Variants in MARCHF2 observed in about 807,000 individuals in gnomAD.
The protein encoded by MARCHF2 is E3 ubiquitin-protein ligase MARCHF2.
In MARCHF2, 22 loss-of-function variants were observed where a neutral mutation model predicts 24.0. That is an observed-to-expected ratio of 0.92 (90% CI 0.66 to 1.31). The LOEUF (loss-of-function observed/expected upper bound fraction) is 1.31. MARCHF2 is among the 50% of genes most tolerant of loss of function. The pLI is 0.00. For synonymous variants in MARCHF2, 154 were observed against 153.0 expected (o/e 1.01, Z -0.05); for missense variants, 301 against 335.3 (o/e 0.90, Z 0.80).
At chr19:8,425,856 C>A (rs1967384274) in intron 2 of MARCHF2, among the ~76,000 whole-genome samples, 1 of 150,370 alleles carries the variant, frequency 6.7e-6, no homozygotes. Context: ...ACCTCATGAT[C>A]CTCCTGCCTT....
intron 1 of MARCHF2, among the ~76,000 whole-genome samples, chr19:8,417,730 G>A (rs1967119829): frequency 7.5e-6 from 1 of 133,312 alleles, no homozygotes; most frequent in Non-Finnish European, 1.6e-5. Flanking sequence ...GAGCCACTAC[G>A]CCCGGCCAAT....
intron 4 of MARCHF2, among the ~76,000 whole-genome samples, chr19:8,431,169 C>T (rs1967572644): frequency 6.6e-6 from 1 of 151,936 alleles, no homozygotes; most frequent in Non-Finnish European, 1.5e-5. Context: ...AGAGAGAGAT[C>T]GGGGGAGAAC....
intron 4 of MARCHF2, among the ~76,000 whole-genome samples, chr19:8,435,827 C>CGTGTGTGTGT (rs1568242256): frequency 7.5e-5 from 7 of 93,282 alleles, no homozygotes; most frequent in Non-Finnish European, 1.6e-4. Context: ...CTGCACCTGG[C>CGTGTGTGTGT]CTGTGTGTGT....
chr19:8,423,103 A>T (rs1013068176), intron 2 of MARCHF2, among the ~76,000 whole-genome samples: 5 of 148,412 alleles, frequency 3.4e-5, no homozygotes, highest in African/African-American at 1.3e-4. Flanking sequence ...TTTGTCACCC[A>T]TGCTGGAGTG....
intron 4 of MARCHF2, among the ~76,000 whole-genome samples, chr19:8,434,374 G>A (rs1386291403): frequency 1.3e-5 from 2 of 151,626 alleles, no homozygotes; most frequent in African/African-American, 2.4e-5. Context: ...ATGAACCATC[G>A]CGCCCTGCCC....
intron 1 of MARCHF2, among the ~76,000 whole-genome samples, chr19:8,414,022 AT>A (rs1384102835): frequency 3.9e-5 from 6 of 152,182 alleles, no homozygotes; most frequent in Admixed American, 3.9e-4. Context: ...CACACAGCAC[AT>A]AAGGAGTAGA....
rs757015000 is a variant in MARCHF2, at chr19:8,426,778, G to C, written c.346G>C (p.Glu116Gln). Reference protein sequence around the residue: ...CELCHTEFAVEKRPRPLTEWL... With the variant: ...CELCHTEFAVQKRPRPLTEWL... ...GCTGTGCCACACGGAGTTTGCAGTG[G>C]AGAAACGGCCTCGACCCCTCACAGA... The change falls in exon 3 of 5, where the codon GAG becomes CAG. Residue 116 changes from glutamate (E) to glutamine (Q), a missense_variant. Coordinates refer to ENST00000215555, the MANE Select transcript of MARCHF2 (RefSeq NM_001005415.2). 6.2e-7 allele frequency: 1 copy of C among 1,612,328 alleles called. No individual in the cohort carries two copies. Among genetic ancestry groups the C allele is most frequent in the Non-Finnish European group, 8.5e-7 (1 of 1,180,004 alleles).
rs368189928 is a variant in MARCHF2 at position 8,430,642 on chromosome 19, A to C, written c.373-16A>C. 12 of 1,601,664 alleles carry C rather than the reference A, an allele frequency of 7.5e-6. No homozygotes were observed. Among genetic ancestry groups the C allele is most frequent in the Middle Eastern group, 4.2e-4 (2 of 4,818 alleles). On this transcript the variant is annotated splice_polypyrimidine_tract_variant and intron_variant, in intron 3 of 4. Transcript: ENST00000215555. The surrounding 1 kb of genome is among the most constrained non-coding windows in gnomAD (Gnocchi z 4.4). ...CTCTGCCCCCTCTCCTCTGCCCCCT[A>C]TCCTCTCCCCTGCAGTGGCTGAAGG...
Position 8,438,629 on chromosome 19 carries a change from C to G in MARCHF2, c.*83C>G. The G allele has an allele frequency of 1.4e-6, 2 of 1,412,302 alleles. No homozygotes were observed. Among genetic ancestry groups the G allele is most frequent in the Non-Finnish European group, 1.9e-6 (2 of 1,040,138 alleles). The allele number at this position is 1,412,302 out of a possible 1,614,324, so 87.5% of individuals were successfully genotyped here. A position where few individuals can be genotyped will look rare whatever the true frequency, so the allele number is the denominator to read the frequency against. On this transcript the variant is annotated 3_prime_UTR_variant, in exon 5 of 5. Coordinates refer to ENST00000215555, the MANE Select transcript of MARCHF2 (RefSeq NM_001005415.2). Reference sequence around the variant, plus strand: ...TCCTGTGGAAGGACTTCCACTTCAACACTTCCACTTCAACAGTTCCCGCAC... The same window carrying G: ...TCCTGTGGAAGGACTTCCACTTCAAGACTTCCACTTCAACAGTTCCCGCAC...
At position 8,438,964 on chromosome 19, in the gene MARCHF2, T is replaced by G. The variant is rs558365587; in HGVS notation, c.*418T>G. The G allele has an allele frequency of 6.8e-6, 1 of 146,948 alleles. No individual in the cohort carries two copies. Among genetic ancestry groups the G allele is most frequent in the Non-Finnish European group, 1.5e-5 (1 of 66,846 alleles). The allele number at this position is 146,948 out of a possible 1,614,324, so 9.1% of individuals were successfully genotyped here. On this transcript the variant is annotated 3_prime_UTR_variant, in exon 5 of 5. Coordinates refer to ENST00000215555, the MANE Select transcript of MARCHF2 (RefSeq NM_001005415.2). ...CCTCGACTTTATATAAAAGTTGCAC[T>G]GCGTTTCAAAAACCCACCCCTGAAT...
rs1285572078 is a variant in MARCHF2 at position 8,419,825 on chromosome 19, AT to A, written c.-52-1963del. 3.1e-4 allele frequency among the ~76,000 whole-genome samples: 44 copies of A among 141,112 alleles called. No individual in the cohort carries two copies. In the South Asian group the frequency reaches 3.4e-3, roughly 11 times the overall value. The allele number at this position is 141,112 out of a possible 152,430, so 92.6% of individuals were successfully genotyped here. ...AGCAAGACTCCGTCTCAAAAAAAAA[AT>A]AAATAAATAAATAAATAAAAATAAA... On this transcript the variant is annotated intron_variant, in intron 1 of 4. Transcript: ENST00000215555.
chr19:8,420,898 G>A (rs755063282), intron 1 of MARCHF2, among the ~76,000 whole-genome samples: 17 of 151,972 alleles, frequency 1.1e-4, no homozygotes, highest in Non-Finnish European at 1.8e-4. Flanking sequence ...GAGGCAATCG[G>A]AGGCAGGCGG....
Position 8,414,644 on chromosome 19 carries a change from A to T in MARCHF2, c.-53+1224A>T, listed in dbSNP as rs74176299. ...AGTAAAACAGCTGCCTGAGACCACA[A>T]TGTAGGGAGTTTTAGGGCCCTCTGA... is the stretch of plus-strand genomic sequence containing the variant. On this transcript the variant is annotated intron_variant, in intron 1 of 4. Coordinates refer to ENST00000215555, the MANE Select transcript of MARCHF2 (RefSeq NM_001005415.2). Among the ~76,000 whole-genome samples, 1,511 of 152,248 alleles carry T rather than the reference A, an allele frequency of 9.9e-3. 13 individuals carry two copies. Among genetic ancestry groups the T allele is most frequent in the South Asian group, 0.016 (78 of 4,828 alleles).
chr19:8,428,678 A>AAAAAAC lies in MARCHF2; in HGVS notation c.372+1875_372+1880dup. Among the ~76,000 whole-genome samples, 2 of 148,446 alleles carry AAAAAAC rather than the reference A, an allele frequency of 1.3e-5. 1 individual carries two copies. On this transcript the variant is annotated intron_variant, in intron 3 of 4. Transcript: ENST00000215555. Reference sequence around the variant, plus strand: ...AAAAAAAAAAAAAAAAAAAAAAAAAAAAAAACCAAGGCTGGACGTGGTGGC... The same window carrying AAAAAAC: ...AAAAAAAAAAAAAAAAAAAAAAAAAAAAAAACAAAAACCAAGGCTGGACGTGGTGGC...
chr19:8,415,732 AAAC>A (rs1157245403), intron 1 of MARCHF2, among the ~76,000 whole-genome samples: 1,014 of 81,072 alleles, frequency 0.013, 46 homozygotes, highest in African/African-American at 0.041. Flanking sequence ...AAAAAAAAAA[AAAC>A]AAAAAAAACA....
chr19:8,415,180 C>A (rs1967043825), intron 1 of MARCHF2, among the ~76,000 whole-genome samples: 1 of 151,960 alleles, frequency 6.6e-6, no homozygotes, highest in Non-Finnish European at 1.5e-5. Context: ...GGGCAGATCA[C>A]TAGGCCAGGA....
In MARCHF2 at chr19:8,415,736, AAAAAAAAC is replaced by A. The variant is rs1568233652; in HGVS notation, c.-53+2324_-53+2331del. On this transcript the variant is annotated intron_variant, in intron 1 of 4. Transcript: ENST00000215555. ...AACTCCATCTCAAAAAAAAAAAAACAAAAAAAACAAAAAAAAAAACCAGACAAAAGAAA... is the reference window on the plus strand; with the variant it reads ...AACTCCATCTCAAAAAAAAAAAAACAAAAAAAAAAAACCAGACAAAAGAAA... 2.5e-3 allele frequency among the ~76,000 whole-genome samples: 178 copies of A among 71,318 alleles called. 11 individuals carry two copies. Among genetic ancestry groups the A allele is most frequent in the East Asian group, 5.3e-3 (12 of 2,260 alleles). 46.8% of individuals were successfully genotyped at this position (71,318 alleles called of 152,430 possible). A position where few individuals can be genotyped will look rare whatever the true frequency, so the allele number is the denominator to read the frequency against.
chr19:8,436,149 T>G (rs1000896806), intron 4 of MARCHF2, among the ~76,000 whole-genome samples: 6 of 151,948 alleles, frequency 3.9e-5, no homozygotes, highest in African/African-American at 1.2e-4. Context: ...ATTTTTTTTT[T>G]TGGGGGGGAC....
chr19:8,421,921 G>C lies in MARCHF2; in HGVS notation c.81G>C (p.Glu27Asp). The change falls in exon 2 of 5, where the codon GAG becomes GAC. Residue 27 changes from glutamate to aspartate, a missense_variant. Transcript: ENST00000215555. ...GCCCTGCCTTCTCCAAGGTCGTGGA[G>C]GCTACGGGCCTCGGACCGCCCCAGT... Reference protein sequence around the residue: ...SGSPAFSKVVEATGLGPPQYV... With the variant: ...SGSPAFSKVVDATGLGPPQYV... 1.2e-6 allele frequency: 2 copies of C among 1,613,916 alleles called. No homozygotes were observed. Among genetic ancestry groups the C allele is most frequent in the Non-Finnish European group, 1.7e-6 (2 of 1,179,944 alleles).
Sources: gnomAD v4.1 joint callset for allele counts (sites outside exome capture counted in the v4.1 genomes callset) on GRCh38, gnomAD v4.1.1 for gene constraint, Gnocchi (gnomAD v3.1) non-coding constraint, MANE v1.5 for transcripts, NCBI Gene and HGNC (gene_info 2026-07-23, HGNC 2026-07-21) for gene names.